Variants in CADM2 observed in about 807,000 individuals in gnomAD.
The protein encoded by CADM2 is immunoglobulin superfamily member 4D.
A neutral mutation model predicts 49.8 loss-of-function variants in CADM2; 12 were observed. That is an observed-to-expected ratio of 0.24 (90% CI 0.15 to 0.39). CADM2 has a LOEUF of 0.39. CADM2 is among the 10% of genes least tolerant of loss of function. The pLI is 1.00. For synonymous variants in CADM2, 214 were observed against 175.4 expected, an observed-to-expected ratio of 1.22 and a Z score of -1.74; for missense variants, 378 against 492.3, an observed-to-expected ratio of 0.77 and a Z score of 2.20.
chr3:85,757,029 G>A (rs746132810), intron 2 of CADM2, among the ~76,000 whole-genome samples: 12 of 152,072 alleles, frequency 7.9e-5, no homozygotes, highest in African/African-American at 1.4e-4. Context: ...AGGAGACGAA[G>A]TTTATCAGAA....
intron 1 of CADM2, among the ~76,000 whole-genome samples, chr3:85,103,423 T>C (rs1279904478): frequency 6.6e-6 from 1 of 152,190 alleles, no homozygotes; most frequent in African/African-American, 2.4e-5. Context: ...AGTATGATAG[T>C]TTCCTGTGTA....
At chr3:85,799,631 T>C (rs1258085662) in intron 2 of CADM2, among the ~76,000 whole-genome samples, 1 of 152,142 alleles carries the variant, frequency 6.6e-6, no homozygotes. Context: ...GACTTGATCG[T>C]GGTGGATAAG....
chr3:85,831,459 C>T (rs777705810), intron 3 of CADM2, among the ~76,000 whole-genome samples: 4 of 152,046 alleles, frequency 2.6e-5, no homozygotes, highest in African/African-American at 4.8e-5. Context: ...CAGTTTGTAA[C>T]GGTTCCCTTT....
At chr3:85,305,472 A>C (rs2044191256) in intron 1 of CADM2, among the ~76,000 whole-genome samples, 1 of 151,696 alleles carries the variant, frequency 6.6e-6, no homozygotes, top group Admixed American at 6.6e-5. Flanking sequence ...GCCAAATTTC[A>C]AAGTTAGTAA....
At chr3:85,336,431 T>G (rs1406664828) in intron 1 of CADM2, among the ~76,000 whole-genome samples, 2 of 151,544 alleles carry the variant, frequency 1.3e-5, no homozygotes, top group Admixed American at 6.6e-5. Context: ...TAATTTATAT[T>G]TCAGACCATA....
intron 8 of CADM2, among the ~76,000 whole-genome samples, chr3:86,005,473 C>T (rs1240418850): frequency 6.6e-6 from 1 of 151,652 alleles, no homozygotes; most frequent in Non-Finnish European, 1.5e-5. Context: ...ATTGCTGGAA[C>T]CCAGGAGGCA....
intron 1 of CADM2, among the ~76,000 whole-genome samples, chr3:85,612,527 A>T (rs561889556): frequency 6.6e-6 from 1 of 152,000 alleles, no homozygotes; most frequent in South Asian, 2.1e-4. Flanking sequence ...GTTTGGAATC[A>T]TTCATACATA....
At chr3:85,024,823 A>T (rs1260160596) in intron 1 of CADM2, among the ~76,000 whole-genome samples, 1 of 152,056 alleles carries the variant, frequency 6.6e-6, no homozygotes, top group Non-Finnish European at 1.5e-5. Flanking sequence ...TCAGAAGGGA[A>T]ATTTGCATTA....
intron 1 of CADM2, among the ~76,000 whole-genome samples, chr3:85,192,514 A>C (rs1334252365): frequency 6.6e-6 from 1 of 151,938 alleles, no homozygotes; most frequent in Non-Finnish European, 1.5e-5. Context: ...AGATACCAAG[A>C]AGTGGAGAAG....
chr3:85,990,042 A>AAAAAAAACAAAAAAAAAAG (rs1436572625), intron 8 of CADM2, among the ~76,000 whole-genome samples: 1 of 108,002 alleles, frequency 9.3e-6, no homozygotes, highest in Non-Finnish European at 2.0e-5. Flanking sequence ...AAAAAAAAAA[A>AAAAAAAACAAAAAAAAAAG]AAGAAGACTA....
chr3:85,895,091 C>T (rs1023660542), intron 5 of CADM2, among the ~76,000 whole-genome samples: 2 of 152,216 alleles, frequency 1.3e-5, no homozygotes, highest in Non-Finnish European at 2.9e-5. Context: ...GGTAGATCCA[C>T]TGACAGCTTG....
chr3:85,328,790 A>G (rs2044827204), intron 1 of CADM2, among the ~76,000 whole-genome samples: 1 of 152,140 alleles, frequency 6.6e-6, no homozygotes, highest in Non-Finnish European at 1.5e-5. Flanking sequence ...GTGTGGATAC[A>G]TAGACATCAT....
intron 1 of CADM2, among the ~76,000 whole-genome samples, chr3:84,972,253 T>A (rs2031502191): frequency 6.6e-6 from 1 of 152,236 alleles, no homozygotes; most frequent in Admixed American, 6.5e-5. Flanking sequence ...GATTGCAAAC[T>A]GCAGAGATGG....
intron 1 of CADM2, among the ~76,000 whole-genome samples, chr3:85,481,461 G>A (rs1028859869): frequency 4.0e-5 from 6 of 151,540 alleles, no homozygotes; most frequent in Non-Finnish European, 5.9e-5. Flanking sequence ...AACTTTCTTA[G>A]TTGGATACAA....
At chr3:85,548,108 T>C (rs1040624199) in intron 1 of CADM2, among the ~76,000 whole-genome samples, 5 of 146,662 alleles carry the variant, frequency 3.4e-5, no homozygotes, top group African/African-American at 1.2e-4. Context: ...TCAACGTTAC[T>C]TTCTCTATTT....
intron 1 of CADM2, among the ~76,000 whole-genome samples, chr3:84,982,848 C>T (rs541722736): frequency 4.6e-5 from 7 of 150,770 alleles, no homozygotes; most frequent in Non-Finnish European, 8.9e-5. Context: ...CTGGTTCAAG[C>T]GATTCTCCTG....
chr3:86,041,146 G>A (rs1422809606), intron 8 of CADM2, among the ~76,000 whole-genome samples: 11 of 152,214 alleles, frequency 7.2e-5, no homozygotes, highest in South Asian at 4.1e-4. Context: ...TGTAAAGACC[G>A]TCGAGGCTAA....
intron 3 of CADM2, among the ~76,000 whole-genome samples, chr3:85,858,664 T>C (rs1166655220): frequency 1.3e-5 from 2 of 152,340 alleles, no homozygotes; most frequent in East Asian, 3.9e-4. Flanking sequence ...AGTACGTGAG[T>C]TGAATACAAT....
At chr3:85,416,847 G>T (rs1007218069) in intron 1 of CADM2, among the ~76,000 whole-genome samples, 4 of 152,208 alleles carry the variant, frequency 2.6e-5, no homozygotes, top group South Asian at 2.1e-4. Context: ...CTAAATAATT[G>T]TATCAGGGAA....
Sources: gnomAD v4.1 joint callset for allele counts (sites outside exome capture counted in the v4.1 genomes callset) on GRCh38, gnomAD v4.1.1 for gene constraint, MANE v1.5 for transcripts, NCBI Gene and HGNC (gene_info 2026-07-23, HGNC 2026-07-21) for gene names.